Variants in DAPK1 observed in about 807,000 individuals in gnomAD.
The protein encoded by DAPK1 is death associated protein kinase 1.
A neutral mutation model predicts 144.9 loss-of-function variants in DAPK1; 56 were observed. That is an observed-to-expected ratio of 0.39 (90% CI 0.31 to 0.48). DAPK1 has a LOEUF of 0.48. DAPK1 is among the 20% of genes least tolerant of loss of function. DAPK1 has a pLI of 0.95. For missense variants in DAPK1, 1,454 were observed against 1,875.4 expected (o/e 0.78, Z 4.15); for synonymous variants, 690 against 749.0 (o/e 0.92, Z 1.29).
At chr9:87,628,986 G>A (rs1223379827) in intron 3 of DAPK1, among the ~76,000 whole-genome samples, 1 of 152,118 alleles carries the variant, frequency 6.6e-6, no homozygotes, top group Non-Finnish European at 1.5e-5. Context: ...TTTGCTTGCA[G>A]CTTGCAAGGA....
At position 87,707,600 on chromosome 9, in the gene DAPK1, C is replaced by T. The variant is rs540206313; in HGVS notation, c.*236C>T. ...AGCAGAACAGATCTTTTACTTTGGC[C>T]GCTTGAAAAGCTAGTGTACCTCCTC... On this transcript the variant is annotated 3_prime_UTR_variant, in exon 26 of 26. Coordinates refer to ENST00000408954, the MANE Select transcript of DAPK1 (RefSeq NM_004938.4). The surrounding 1 kb of genome is among the most constrained non-coding windows in gnomAD (Gnocchi z 4.0). 34 of 558,086 alleles carry T rather than the reference C, an allele frequency of 6.1e-5. No homozygotes were observed. The highest frequency in any genetic ancestry group is 9.6e-4 in the Middle Eastern group (2 of 2,082). The allele number at this position is 558,086 out of a possible 1,614,324, so 34.6% of individuals were successfully genotyped here. A position where few individuals can be genotyped will look rare whatever the true frequency, so the allele number is the denominator to read the frequency against.
At chr9:87,635,138 C>T (rs1861829) in intron 3 of DAPK1, among the ~76,000 whole-genome samples, 92,819 of 151,782 alleles carry the variant, frequency 0.61, 29,838 homozygotes, top group African/African-American at 0.82. Flanking sequence ...GAAGGAGATC[C>T]TGGGTCTGAA....
At position 87,604,935 on chromosome 9, in the gene DAPK1, C is replaced by G; in HGVS notation, c.63-19C>G. On this transcript the variant is annotated intron_variant, in intron 2 of 25. Transcript: ENST00000408954. ...TTTTTTTTATGAACGATAAAGAATC[C>G]TCCATCTTCTCTTTTCAGTGGACAG... 6.2e-7 allele frequency: 1 copy of G among 1,608,806 alleles called. No individual in the cohort carries two copies. The highest frequency in any genetic ancestry group is 8.5e-7 in the Non-Finnish European group (1 of 1,175,550).
chr9:87,554,186 TTCATAAAGACC>T (rs1379203341), intron 2 of DAPK1: 1 of 152,242 alleles, frequency 6.6e-6, no homozygotes, highest in African/African-American at 2.4e-5. Flanking sequence ...GAACTTATAG[TTCATAAAGACC>T]TACTGATCCA....
intron 21 of DAPK1, among the ~76,000 whole-genome samples, chr9:87,694,551 A>G (rs1410660998): frequency 6.6e-6 from 1 of 152,192 alleles, no homozygotes; most frequent in Non-Finnish European, 1.5e-5. Flanking sequence ...CAGCAGCCAT[A>G]TGCGGCCAGC....
intron 2 of DAPK1, among the ~76,000 whole-genome samples, chr9:87,579,615 T>A (rs1195291014): frequency 6.6e-6 from 1 of 152,096 alleles, no homozygotes; most frequent in Non-Finnish European, 1.5e-5. Flanking sequence ...GTAGAAAAGC[T>A]GGGAAGGACA....
intron 3 of DAPK1, among the ~76,000 whole-genome samples, chr9:87,627,656 A>G (rs1829536471): frequency 6.6e-6 from 1 of 152,070 alleles, no homozygotes; most frequent in African/African-American, 2.4e-5. Flanking sequence ...TCTTCCCCAG[A>G]TTTTTGGCCC....
chr9:87,592,448 G>C (rs1828171885), intron 2 of DAPK1, among the ~76,000 whole-genome samples: 1 of 152,190 alleles, frequency 6.6e-6, no homozygotes, highest in South Asian at 2.1e-4. Flanking sequence ...TGGAAGCAGT[G>C]CTCCATGGAA....
Position 87,610,401 on chromosome 9 carries a change from T to A in DAPK1, c.284+5226T>A, listed in dbSNP as rs547676895. 3.9e-5 allele frequency among the ~76,000 whole-genome samples: 6 copies of A among 152,368 alleles called. No individual in the cohort carries two copies. The South Asian group carries it at 1.0e-3, about 26-fold the overall frequency. On this transcript the variant is annotated intron_variant, in intron 3 of 25. Transcript: ENST00000408954. Reference sequence around the variant, plus strand: ...CTACAAAACTTTCACCTTCAGTGCTTGAATCGTTTCATAACTCGCCTTGTT... The same window carrying A: ...CTACAAAACTTTCACCTTCAGTGCTAGAATCGTTTCATAACTCGCCTTGTT...
At position 87,499,302 on chromosome 9, in the gene DAPK1, C is replaced by T. The variant is rs989987480; in HGVS notation, c.62+163C>T. On this transcript the variant is annotated intron_variant, in intron 2 of 25. Transcript: ENST00000408954. The stretch of plus-strand genomic sequence containing the variant: ...AGTTACTAACCCAGCGGTAAACCGC[C>T]TGATCCAAGGGCCTGGGGGTGGAGG... 5 of 661,288 alleles carry T rather than the reference C, an allele frequency of 7.6e-6. No homozygotes were observed. In the African/African-American group the frequency reaches 9.0e-5, roughly 12 times the overall value. 41.0% of individuals were successfully genotyped at this position (661,288 alleles called of 1,614,324 possible). A position where few individuals can be genotyped will look rare whatever the true frequency, so the allele number is the denominator to read the frequency against.
At chr9:87,577,601 C>T (rs1222194036) in intron 2 of DAPK1, among the ~76,000 whole-genome samples, 3 of 152,092 alleles carry the variant, frequency 2.0e-5, no homozygotes, top group East Asian at 1.9e-4. Flanking sequence ...AGTTCCAGAC[C>T]GTCCTGGCCA....
In DAPK1 at chr9:87,641,990, C is replaced by T. The variant is rs772116415; in HGVS notation, c.850C>T (p.Leu284Phe). 1.2e-6 allele frequency: 2 copies of T among 1,613,788 alleles called. No homozygotes were observed. The highest frequency in any genetic ancestry group is 1.7e-6 in the Non-Finnish European group (2 of 1,179,880). Residue 284 changes from leucine to phenylalanine, a missense_variant, in exon 10 of 26, where the codon CTT (leucine) becomes TTT (phenylalanine). Around this residue, in one of 2 missense-constraint regions of DAPK1, gnomAD observed 429 missense variants for 637.5 expected, o/e 0.67. Transcript: ENST00000408954. Reference sequence around the variant, plus strand: ...TTAGCCTAAAGATACACAACAGGCACTTAGTAGAAAAGCATCAGCAGTAAA... The same window carrying T: ...TTAGCCTAAAGATACACAACAGGCATTTAGTAGAAAAGCATCAGCAGTAAA... Reference protein sequence around the residue: ...WIKPKDTQQALSRKASAVNME... With the variant: ...WIKPKDTQQAFSRKASAVNME...
chr9:87,678,115 C>G (rs906328408), intron 19 of DAPK1, among the ~76,000 whole-genome samples: 1 of 152,210 alleles, frequency 6.6e-6, no homozygotes, highest in Non-Finnish European at 1.5e-5. Flanking sequence ...GAAGAAAACA[C>G]CAGAGTACAG....
chr9:87,685,233 G>T (rs1432407417), intron 20 of DAPK1, among the ~76,000 whole-genome samples: 1 of 152,118 alleles, frequency 6.6e-6, no homozygotes, highest in Admixed American at 6.5e-5. Context: ...TGCCCTCCTA[G>T]TGCCCTTTCT....
chr9:87,602,908 C>T (rs1828577021), intron 2 of DAPK1, among the ~76,000 whole-genome samples: 1 of 150,360 alleles, frequency 6.7e-6, no homozygotes, highest in South Asian at 2.1e-4. Context: ...GTTTTTCTTT[C>T]TCTGTCTCTC....
At chr9:87,667,551 C>T (rs184809430) in intron 18 of DAPK1, among the ~76,000 whole-genome samples, 5 of 152,254 alleles carry the variant, frequency 3.3e-5, no homozygotes, top group East Asian at 3.9e-4. Flanking sequence ...GATTGAGCAA[C>T]AGTGTCTGAA....
At chr9:87,555,540 G>C (rs999176100) in intron 2 of DAPK1, among the ~76,000 whole-genome samples, 5 of 148,950 alleles carry the variant, frequency 3.4e-5, no homozygotes, top group Non-Finnish European at 5.9e-5. Context: ...TTTCGCTCTT[G>C]TTACCCAGGC....
chr9:87,621,784 G>A (rs949802025), intron 3 of DAPK1, among the ~76,000 whole-genome samples: 1 of 152,102 alleles, frequency 6.6e-6, no homozygotes, highest in Non-Finnish European at 1.5e-5. Context: ...AACTTCACCT[G>A]AAGTGGACAC....
intron 13 of DAPK1, among the ~76,000 whole-genome samples, 198 bp from the exon 14 acceptor site, chr9:87,647,107 C>T (rs1564043890): frequency 1.3e-5 from 2 of 152,202 alleles, no homozygotes; most frequent in Non-Finnish European, 2.9e-5. Context: ...ACCCAGGTGC[C>T]CCTAATGCTA....
Sources: gnomAD v4.1 joint callset for allele counts (sites outside exome capture counted in the v4.1 genomes callset) on GRCh38, gnomAD v4.1.1 for gene constraint, gnomAD v4.1.1 regional missense constraint, Gnocchi (gnomAD v3.1) non-coding constraint, MANE v1.5 for transcripts, NCBI Gene and HGNC (gene_info 2026-07-23, HGNC 2026-07-21) for gene names.